Variants in DNM3 observed in about 807,000 individuals in gnomAD.
DNM3 encodes the protein dynamin 3, also known as dynamin-3.
Under a neutral mutation model 101.6 loss-of-function variants are expected in DNM3, and 47 were observed. The observed-to-expected ratio is 0.46, with a 90% CI of 0.37 to 0.59. The LOEUF is 0.59. Among genes scored for constraint, DNM3 ranks in the 20% least tolerant of loss-of-function variants. DNM3 has a pLI of 0.00. For synonymous variants in DNM3, 385 were observed against 387.9 expected (o/e 0.99, Z 0.09); for missense variants, 849 against 1,085.7 (o/e 0.78, Z 3.06).
At position 172,377,981 on chromosome 1, in the gene DNM3, A is replaced by C. The variant is rs1287544292; in HGVS notation, c.1894-1037A>C. ...TATTTAGCACAGTGCTATGCCTAGA[A>C]CTGATTGGATGATTGAAAATCAAAG... On this transcript the variant is annotated intron_variant, in intron 17 of 20. Coordinates refer to ENST00000627582, the MANE Select transcript of DNM3 (RefSeq NM_015569.5). The C allele has an allele frequency of 4.6e-5, 7 of 152,058 alleles. 1 individual carries two copies. Among genetic ancestry groups the C allele is most frequent in the Admixed American group, 4.6e-4 (7 of 15,228 alleles). The allele number at this position is 152,058 out of a possible 1,614,324, so 9.4% of individuals were successfully genotyped here.
chr1:172,244,349 C>G (rs2061864277), intron 14 of DNM3, among the ~76,000 whole-genome samples: 2 of 152,164 alleles, frequency 1.3e-5, no homozygotes, highest in South Asian at 4.1e-4. Flanking sequence ...ACAAAATTGA[C>G]AAATGGGATC....
At chr1:172,244,450 A>G (rs940112758) in intron 14 of DNM3, among the ~76,000 whole-genome samples, 4 of 151,618 alleles carry the variant, frequency 2.6e-5, no homozygotes, top group African/African-American at 9.7e-5. Context: ...TTCGCAACCT[A>G]CTCATCTGAC....
At chr1:171,975,072 G>T (rs1480887673) in intron 2 of DNM3, among the ~76,000 whole-genome samples, 1 of 151,866 alleles carries the variant, frequency 6.6e-6, no homozygotes, top group Non-Finnish European at 1.5e-5. Flanking sequence ...GCCCATGCTG[G>T]TCTTGACCTC....
At chr1:171,896,759 A>T (rs2037841354) in intron 1 of DNM3, among the ~76,000 whole-genome samples, 1 of 152,200 alleles carries the variant, frequency 6.6e-6, no homozygotes, top group South Asian at 2.1e-4. Context: ...TAAAATAGTC[A>T]TGTTAAATGG....
intron 14 of DNM3, among the ~76,000 whole-genome samples, chr1:172,225,134 C>CTTTTTTTTTTTTTTTTTTTT (rs1168334078): frequency 7.6e-5 from 5 of 65,524 alleles, no homozygotes; most frequent in Admixed American, 2.0e-4. Context: ...TCTTCTTCCT[C>CTTTTTTTTTTTTTTTTTTTT]TTTTTTTTTT....
intron 14 of DNM3, among the ~76,000 whole-genome samples, chr1:172,184,330 A>T (rs990808154): frequency 6.6e-6 from 1 of 152,272 alleles, no homozygotes; most frequent in East Asian, 1.9e-4. Context: ...ATTGACCACC[A>T]TTTAAATTGC....
At chr1:172,182,598 A>G (rs2059387901) in intron 14 of DNM3, among the ~76,000 whole-genome samples, 1 of 152,094 alleles carries the variant, frequency 6.6e-6, no homozygotes, top group Admixed American at 6.6e-5. Context: ...ATGAATTGCA[A>G]TGAACCTGCT....
At chr1:171,881,140 A>G (rs2036235548) in intron 1 of DNM3, among the ~76,000 whole-genome samples, 1 of 152,160 alleles carries the variant, frequency 6.6e-6, no homozygotes, top group South Asian at 2.1e-4. Flanking sequence ...AATAAGTTGT[A>G]TTCACATTAT....
In DNM3 at chr1:172,411,939, T is replaced by A. The variant is rs1021446084; in HGVS notation, c.*4098T>A. ...AAGCTCAAATGAGTCTTCTAGATAC[T>A]CTTACTCATCCTGTCTGGTTGCTAT... On this transcript the variant is annotated 3_prime_UTR_variant, in exon 21 of 21. Transcript: ENST00000627582. 20 of 985,684 alleles carry A rather than the reference T, an allele frequency of 2.0e-5. No homozygotes were observed. Among genetic ancestry groups the A allele is most frequent in the Non-Finnish European group, 2.4e-5 (20 of 829,866 alleles). 61.1% of individuals were successfully genotyped at this position (985,684 alleles called of 1,614,324 possible).
intron 15 of DNM3, among the ~76,000 whole-genome samples, chr1:172,302,127 C>T (rs1025179090): frequency 3.3e-5 from 5 of 151,922 alleles, no homozygotes; most frequent in South Asian, 4.1e-4. Context: ...CAAGGGAAGC[C>T]GTGACAGACT....
At chr1:172,323,026 A>G (rs1429071481) in intron 16 of DNM3, among the ~76,000 whole-genome samples, 2 of 151,982 alleles carry the variant, frequency 1.3e-5, no homozygotes, top group East Asian at 3.9e-4. Flanking sequence ...ACGTTCCCAT[A>G]CCCCAGGTAT....
Position 172,033,188 on chromosome 1 carries a change from T to C in DNM3, c.772T>C (p.Phe258Leu), listed in dbSNP as rs1172464949. 1 of 1,609,978 alleles carries C rather than the reference T, an allele frequency of 6.2e-7. No individual in the cohort carries two copies. The highest frequency in any genetic ancestry group is 1.3e-5 in the African/African-American group (1 of 74,760). Residue 258 changes from phenylalanine (F) to leucine (L), a missense_variant, in exon 6 of 21, where the codon TTT (phenylalanine) becomes CTT (leucine). This residue lies in a region of DNM3 where 388 missense variants were observed against 483.0 expected (regional missense o/e 0.80). Coordinates refer to ENST00000627582, the MANE Select transcript of DNM3 (RefSeq NM_015569.5). Reference protein sequence around the residue: ...IKAAMLAERKFFLSHPAYRHI... With the variant: ...IKAAMLAERKLFLSHPAYRHI... ...GGCAGCCATGCTGGCAGAGAGGAAG[T>C]TTTTCCTTTCCCACCCGGCTTACAG...
At chr1:172,139,935 C>T (rs1307416609) in intron 14 of DNM3, 1 of 151,854 alleles carries the variant, frequency 6.6e-6, no homozygotes, top group Non-Finnish European at 1.5e-5. Flanking sequence ...AATTCCCCTC[C>T]CCTTTTAAAA....
chr1:172,163,249 T>G (rs1005760972), intron 14 of DNM3, among the ~76,000 whole-genome samples: 4 of 150,600 alleles, frequency 2.7e-5, no homozygotes, highest in Non-Finnish European at 4.4e-5. Context: ...TTTTGTTTTT[T>G]TTTTTTTTTG....
At chr1:172,387,031 T>C (rs2069223089) in intron 18 of DNM3, 102 bp from the exon 19 acceptor site, 3 of 997,374 alleles carry the variant, frequency 3.0e-6, no homozygotes, top group Non-Finnish European at 4.6e-6. Flanking sequence ...TTTGGTGGAC[T>C]TTGGTGGACT....
intron 14 of DNM3, among the ~76,000 whole-genome samples, chr1:172,197,139 T>C (rs990541544): frequency 1.1e-4 from 17 of 152,272 alleles, no homozygotes; most frequent in African/African-American, 4.1e-4. Flanking sequence ...TAGCCAGTTA[T>C]CCCAGCACCA....
chr1:171,884,175 G>T (rs1053797419), intron 1 of DNM3, among the ~76,000 whole-genome samples: 3 of 152,224 alleles, frequency 2.0e-5, no homozygotes, highest in African/African-American at 7.2e-5. Context: ...TTTGTTAGTG[G>T]AAACAGAAGC....
At chr1:172,096,704 T>A (rs1021092815) in intron 13 of DNM3, among the ~76,000 whole-genome samples, 2 of 152,144 alleles carry the variant, frequency 1.3e-5, no homozygotes, top group African/African-American at 4.8e-5. Flanking sequence ...GAAGTAAAAA[T>A]GTCCAGTAGG....
intron 1 of DNM3, among the ~76,000 whole-genome samples, chr1:171,848,269 C>T (rs1290696431): frequency 6.6e-6 from 1 of 152,114 alleles, no homozygotes; most frequent in Non-Finnish European, 1.5e-5. Flanking sequence ...TTTCATTACT[C>T]TTCTTGATAG....
Sources: allele counts gnomAD v4.1 joint callset (sites outside exome capture counted in the v4.1 genomes callset), GRCh38; gene constraint gnomAD v4.1.1; regional missense constraint gnomAD v4.1.1; transcripts MANE v1.5; gene names NCBI Gene and HGNC (gene_info 2026-07-23, HGNC 2026-07-21).